FSTL5: variants seen among roughly 807,000 people sequenced by gnomAD.
FSTL5 encodes follistatin-related protein 5.
FSTL5 carries 62 observed loss-of-function variants against 89.1 expected under a neutral mutation model. That is an observed-to-expected ratio of 0.70 (90% CI 0.57 to 0.86). The LOEUF (loss-of-function observed/expected upper bound fraction) is 0.86. Among genes scored for constraint, FSTL5 ranks in the 40% least tolerant of loss-of-function variants. The probability of loss-of-function intolerance (pLI) is 0.00; values close to 1 mark genes in which losing one functional copy is unlikely to be tolerated. For missense variants in FSTL5, 1,057 were observed against 1,001.6 expected (o/e 1.06, Z -0.75); for synonymous variants, 383 against 346.2 (o/e 1.11, Z -1.18).
chr4:161,941,559 A>T (rs2099246), intron 3 of FSTL5, among the ~76,000 whole-genome samples: 48,929 of 151,680 alleles, frequency 0.32, 9,601 homozygotes, highest in Non-Finnish European at 0.43. Context: ...AAATAAGAAC[A>T]TTATATATTG....
chr4:162,025,777 T>C (rs1263258826), intron 3 of FSTL5, among the ~76,000 whole-genome samples: 2 of 151,996 alleles, frequency 1.3e-5, no homozygotes. Context: ...GATAAAACTC[T>C]AGTGTATCAT....
chr4:161,981,254 T>C (rs184265771), intron 3 of FSTL5, among the ~76,000 whole-genome samples: 7 of 152,288 alleles, frequency 4.6e-5, no homozygotes, highest in African/African-American at 7.2e-5. Context: ...GCTTTCTCAA[T>C]TGAAATTCAC....
At chr4:161,798,817 GT>G (rs1729711957) in intron 4 of FSTL5, among the ~76,000 whole-genome samples, 2 of 151,494 alleles carry the variant, frequency 1.3e-5, no homozygotes, top group Admixed American at 1.3e-4. Context: ...AAAGTGTTTT[GT>G]TTTAATAATC....
At chr4:161,760,170 GA>G (rs1159903658) in intron 5 of FSTL5, among the ~76,000 whole-genome samples, 1 of 152,190 alleles carries the variant, frequency 6.6e-6, no homozygotes, top group Non-Finnish European at 1.5e-5. Flanking sequence ...CGTGAGTGAA[GA>G]AAATCATCAA....
intron 1 of FSTL5, among the ~76,000 whole-genome samples, chr4:162,160,259 A>C (rs1733643454): frequency 6.6e-6 from 1 of 151,874 alleles, no homozygotes; most frequent in South Asian, 2.1e-4. Context: ...CCATTATAAT[A>C]ATATCAATTC....
chr4:161,848,036 CAAAAAAA>C lies in FSTL5; in HGVS notation c.410-71969_410-71963del, dbSNP rs139315536. On this transcript the variant is annotated intron_variant, in intron 4 of 15. Coordinates refer to ENST00000306100, the MANE Select transcript of FSTL5 (RefSeq NM_020116.5). The stretch of plus-strand genomic sequence containing the variant: ...GGGTGACAAGAGCAAGACTCCGTCT[CAAAAAAA>C]AAAAAAAAAAAAAAAAAAACAAGAC... Among the ~76,000 whole-genome samples, 169 of 48,218 alleles carry C rather than the reference CAAAAAAA, an allele frequency of 3.5e-3. 1 individual carries two copies. The highest frequency in any genetic ancestry group is 0.014 in the African/African-American group (155 of 10,986). The allele number at this position is 48,218 out of a possible 152,430, so 31.6% of individuals were successfully genotyped here. A position where few individuals can be genotyped will look rare whatever the true frequency, so the allele number is the denominator to read the frequency against.
intron 6 of FSTL5, among the ~76,000 whole-genome samples, chr4:161,730,489 T>C (rs1739570494): frequency 6.6e-6 from 1 of 152,178 alleles, no homozygotes; most frequent in Non-Finnish European, 1.5e-5. Flanking sequence ...ATTTGTTTAC[T>C]ATATACTTTA....
intron 8 of FSTL5, among the ~76,000 whole-genome samples, chr4:161,548,482 C>T (rs1578916151): frequency 6.6e-6 from 1 of 151,886 alleles, no homozygotes; most frequent in East Asian, 1.9e-4. Flanking sequence ...GTATGATAGA[C>T]AGTGTAGTGA....
chr4:161,968,568 T>C (rs1450255260), intron 3 of FSTL5, among the ~76,000 whole-genome samples: 2 of 152,008 alleles, frequency 1.3e-5, no homozygotes, highest in East Asian at 1.9e-4. Context: ...AACTAGACAT[T>C]TGGAAGAAGA....
chr4:161,743,276 C>T (rs1329334584), intron 6 of FSTL5, among the ~76,000 whole-genome samples: 1 of 152,082 alleles, frequency 6.6e-6, no homozygotes, highest in Non-Finnish European at 1.5e-5. Flanking sequence ...TTTCCCAGCA[C>T]TAGTTGTTGA....
chr4:161,531,982 A>T (rs1731427345), intron 10 of FSTL5, among the ~76,000 whole-genome samples: 1 of 152,102 alleles, frequency 6.6e-6, no homozygotes, highest in South Asian at 2.1e-4. Flanking sequence ...AGACGGGCGG[A>T]TCATGAGGTC....
chr4:161,698,641 G>A lies in FSTL5; in HGVS notation c.728-42147C>T, dbSNP rs186177942. ...TAAGAGAGAGTGAATCTAAAGAAGA[G>A]GAGAAGGCCAGGCGCAGTGGCTCAC... is the stretch of plus-strand genomic sequence containing the variant. On this transcript the variant is annotated intron_variant, in intron 6 of 15. Transcript: ENST00000306100. 1.2e-4 allele frequency among the ~76,000 whole-genome samples: 18 copies of A among 152,180 alleles called. No individual in the cohort carries two copies. In the East Asian group the frequency reaches 1.7e-3, roughly 15 times the overall value.
chr4:161,922,121 T>C (rs1197978958), intron 3 of FSTL5, among the ~76,000 whole-genome samples: 1 of 151,998 alleles, frequency 6.6e-6, no homozygotes, highest in Non-Finnish European at 1.5e-5. Flanking sequence ...AAAAACTAAT[T>C]TATATTTCTG....
At chr4:161,887,338 G>A (rs1054573208) in intron 4 of FSTL5, among the ~76,000 whole-genome samples, 14 of 152,008 alleles carry the variant, frequency 9.2e-5, no homozygotes, top group Non-Finnish European at 2.9e-5. Flanking sequence ...CACTTAGAAA[G>A]CAAAATAATT....
chr4:162,024,157 T>G (rs1008730459), intron 3 of FSTL5, among the ~76,000 whole-genome samples: 5 of 152,150 alleles, frequency 3.3e-5, no homozygotes, highest in African/African-American at 1.2e-4. Context: ...AAAAGGATAT[T>G]CACTAACACT....
chr4:161,443,987 A>T (rs1375027311), intron 15 of FSTL5, among the ~76,000 whole-genome samples: 6 of 151,910 alleles, frequency 3.9e-5, no homozygotes, highest in Non-Finnish European at 8.8e-5. Flanking sequence ...AGATATTTCA[A>T]AAAACTATAA....
At chr4:161,722,618 A>G (rs1325100621) in intron 6 of FSTL5, among the ~76,000 whole-genome samples, 2 of 152,142 alleles carry the variant, frequency 1.3e-5, no homozygotes, top group African/African-American at 4.8e-5. Context: ...CTGCTGATCT[A>G]TCTATATGCA....
chr4:161,589,422 A>G (rs951321095), intron 7 of FSTL5, among the ~76,000 whole-genome samples: 16 of 152,012 alleles, frequency 1.1e-4, no homozygotes, highest in African/African-American at 3.9e-4. Flanking sequence ...ACCTCAGGTG[A>G]TCCGGCCGCC....
chr4:162,021,485 T>G (rs1463612993), intron 3 of FSTL5, among the ~76,000 whole-genome samples: 1 of 152,186 alleles, frequency 6.6e-6, no homozygotes, highest in Non-Finnish European at 1.5e-5. Context: ...AATAGGTTTA[T>G]GAAACATGGT....
Sources: gnomAD v4.1 joint callset for allele counts (sites outside exome capture counted in the v4.1 genomes callset) on GRCh38, gnomAD v4.1.1 for gene constraint, MANE v1.5 for transcripts, NCBI Gene and HGNC (gene_info 2026-07-23, HGNC 2026-07-21) for gene names.